DDRGK1: variants seen among roughly 807,000 people sequenced by gnomAD.
DDRGK1 encodes DDRGK domain containing 1.
Under a neutral mutation model 45.8 loss-of-function variants are expected in DDRGK1, and 38 were observed. That is an observed-to-expected ratio of 0.83 (90% confidence interval 0.64 to 1.09). The LOEUF is 1.09. DDRGK1 is among the 50% of genes least tolerant of loss of function. The pLI is 0.00. For missense variants in DDRGK1, 403 were observed against 419.9 expected (o/e 0.96, Z 0.35); for synonymous variants, 171 against 168.7 (o/e 1.01, Z -0.11).
Position 3,195,213 on chromosome 20 carries a change from C to T in DDRGK1, c.633+18G>A, listed in dbSNP as rs1407369556. The T allele has an allele frequency of 6.2e-7, 1 of 1,613,986 alleles. No individual in the cohort carries two copies. The highest frequency in any genetic ancestry group is 1.1e-5 in the South Asian group (1 of 91,074). ...CTGATGGGTGCAGAGAGGGGCTTCC[C>T]AGGGGCAGCAGGCCCACCTGTTCCT... On this transcript the variant is annotated intron_variant, in intron 5 of 8. Coordinates refer to ENST00000354488, the MANE Select transcript of DDRGK1 (RefSeq NM_023935.3).
rs761471905 is a variant in DDRGK1, at chr20:3,190,747, C to G, written c.851G>C (p.Arg284Pro). ...EELAAVANFI[R>P]QRGRVSIAEL... ...GGCGATGGACACCCGGCCCCGCTGT[C>G]GGATGAAGTTGGCCACGGCGGCCAG... The change falls in exon 9 of 9, where the codon CGA becomes CCA. Residue 284 changes from arginine (R) to proline (P), a missense_variant. Coordinates refer to ENST00000354488, the MANE Select transcript of DDRGK1 (RefSeq NM_023935.3). 1 of 1,614,146 alleles carries G rather than the reference C, an allele frequency of 6.2e-7. No individual in the cohort carries two copies. Among genetic ancestry groups the G allele is most frequent in the Admixed American group, 1.7e-5 (1 of 60,008 alleles).
intron 4 of DDRGK1, among the ~76,000 whole-genome samples, chr20:3,198,419 A>G (rs865812377): frequency 6.9e-6 from 1 of 145,208 alleles, no homozygotes; most frequent in Admixed American, 6.9e-5. Context: ...AAAAAAAAAA[A>G]GCCTGGTGCA....
At chr20:3,195,466 GAGAC>G in intron 4 of DDRGK1, 113 bp from the exon 5 acceptor site, 1 of 1,417,086 alleles carries the variant, frequency 7.1e-7, no homozygotes, top group Non-Finnish European at 9.3e-7. Context: ...CCTTTTCTCA[GAGAC>G]AGAGCTCCTT....
rs2067050336 is a variant in DDRGK1, at chr20:3,203,348, C to G, written c.160G>C (p.Glu54Gln). ...AGRVAQPGPL[E>Q]PEEPRAGGRP... ...CCTCCAGCTCTCGGCTCCTCAGGCT[C>G]CAGGGGCCCAGGCTGGGCCACCCGG... The change falls in exon 2 of 9, where the codon GAG becomes CAG. Residue 54 changes from glutamate (E) to glutamine (Q), a missense_variant. Physicochemically the swap from Glu to Gln is conservative, Grantham distance 29. Transcript: ENST00000354488. 1.9e-6 allele frequency: 3 copies of G among 1,608,696 alleles called. No individual in the cohort carries two copies. Among genetic ancestry groups the G allele is most frequent in the Admixed American group, 3.4e-5 (2 of 59,500 alleles).
intron 4 of DDRGK1, among the ~76,000 whole-genome samples, chr20:3,196,485 G>A (rs934471666): frequency 3.3e-5 from 5 of 150,306 alleles, no homozygotes; most frequent in Non-Finnish European, 5.9e-5. Flanking sequence ...AGACCATCCT[G>A]GCTAACACGG....
Position 3,191,191 on chromosome 20 carries a change from T to C in DDRGK1, c.777A>G (p.Thr259=). ...AGTGATTGGCTCTCATCATCTCACCTGTTATAGTCCCCTCAGCCAGCAGGT... is the reference window on the plus strand; with the variant it reads ...AGTGATTGGCTCTCATCATCTCACCCGTTATAGTCCCCTCAGCCAGCAGGT... ...IQDLLAEGTI[T]GVIDDRGKFI... The change falls in exon 8 of 9, where the codon ACA becomes ACG. Residue 259 remains threonine, a splice_region_variant and synonymous_variant. Coordinates refer to ENST00000354488, the MANE Select transcript of DDRGK1 (RefSeq NM_023935.3). 7 of 1,614,188 alleles carry C rather than the reference T, an allele frequency of 4.3e-6. No individual in the cohort carries two copies. The highest frequency in any genetic ancestry group is 5.9e-6 in the Non-Finnish European group (7 of 1,180,028).
In DDRGK1 at chr20:3,195,426, C is replaced by A. The variant is rs7263489; in HGVS notation, c.511-73G>T. 1.6e-4 allele frequency: 236 copies of A among 1,510,000 alleles called. 2 individuals carry two copies. The East Asian group carries it at 5.4e-3, about 35-fold the overall frequency. The allele number at this position is 1,510,000 out of a possible 1,614,324, so 93.5% of individuals were successfully genotyped here. A position where few individuals can be genotyped will look rare whatever the true frequency, so the allele number is the denominator to read the frequency against. ...AGGCACCTGTTCTGGTTGCTGCTAC[C>A]CCTGCAGGACACCAGAGCATATAGC... On this transcript the variant is annotated intron_variant, in intron 4 of 8. Coordinates refer to ENST00000354488, the MANE Select transcript of DDRGK1 (RefSeq NM_023935.3).
At chr20:3,198,666 C>T (rs2122236839) in intron 4 of DDRGK1, among the ~76,000 whole-genome samples, 1 of 132,806 alleles carries the variant, frequency 7.5e-6, no homozygotes, top group South Asian at 2.7e-4. Context: ...TGCCACTGCA[C>T]TCCAGCCTAG....
intron 4 of DDRGK1, among the ~76,000 whole-genome samples, chr20:3,196,914 G>A (rs1361617149): frequency 4.0e-5 from 6 of 151,788 alleles, no homozygotes; most frequent in African/African-American, 4.8e-5. Context: ...ATACTCATGA[G>A]TCTATACAAA....
In DDRGK1 at chr20:3,203,322, G is replaced by T. The variant is rs777087103; in HGVS notation, c.186C>A (p.Gly62=). Residue 62 remains glycine (G), a synonymous_variant, in exon 2 of 9, where the codon GGC becomes GGA. Transcript: ENST00000354488. ...CCAGGTCCCTCCGGCGCCGAGGCCT[G>T]CCTCCAGCTCTCGGCTCCTCAGGCT... ...PLEPEEPRAG[G]RPRRRRDLGS... The T allele has an allele frequency of 6.2e-7, 1 of 1,608,952 alleles. No homozygotes were observed. The highest frequency in any genetic ancestry group is 1.7e-5 in the Admixed American group (1 of 59,518).
chr20:3,196,646 A>G (rs555169722), intron 4 of DDRGK1, among the ~76,000 whole-genome samples: 2 of 152,246 alleles, frequency 1.3e-5, no homozygotes, highest in Admixed American at 1.3e-4. Context: ...GTGCCACTGC[A>G]CTCCAGCCTG....
At chr20:3,204,204 T>C (rs913942178) in intron 1 of DDRGK1, among the ~76,000 whole-genome samples, 1 of 152,032 alleles carries the variant, frequency 6.6e-6, no homozygotes, top group Non-Finnish European at 1.5e-5. Context: ...GCGGCCTCCC[T>C]AACAGGTGCA....
intron 4 of DDRGK1, among the ~76,000 whole-genome samples, chr20:3,196,929 A>C (rs931007151): frequency 1.3e-5 from 2 of 151,878 alleles, no homozygotes; most frequent in Non-Finnish European, 2.9e-5. Flanking sequence ...TACAAATATA[A>C]AAAAAATGGC....
Position 3,195,373 on chromosome 20 carries a change from A to T in DDRGK1, c.511-20T>A, listed in dbSNP as rs773453558. On this transcript the variant is annotated intron_variant, in intron 4 of 8. Transcript: ENST00000354488. Reference sequence around the variant, plus strand: ...CTCCTCCTGTGGACATAGGAGGCAAAAGTCAGGTATCGGGGGCAGAACAGG... The same window carrying T: ...CTCCTCCTGTGGACATAGGAGGCAATAGTCAGGTATCGGGGGCAGAACAGG... 1 of 1,574,252 alleles carries T rather than the reference A, an allele frequency of 6.4e-7. No homozygotes were observed. The highest frequency in any genetic ancestry group is 8.6e-7 in the Non-Finnish European group (1 of 1,162,570).
chr20:3,192,164 T>C (rs2066992628), intron 6 of DDRGK1, among the ~76,000 whole-genome samples: 1 of 151,840 alleles, frequency 6.6e-6, no homozygotes, highest in Non-Finnish European at 1.5e-5. Flanking sequence ...ATCCTCTGCA[T>C]CCAGCCATCT....
chr20:3,194,764 G>A, intron 6 of DDRGK1, 66 bp downstream of exon 6: 10 of 1,600,158 alleles, frequency 6.2e-6, no homozygotes, highest in Non-Finnish European at 6.8e-6. Flanking sequence ...GCCCCCGCTG[G>A]AGGCATCCAA....
chr20:3,198,590 C>T (rs2067022076), intron 4 of DDRGK1, among the ~76,000 whole-genome samples: 1 of 145,376 alleles, frequency 6.9e-6, no homozygotes, highest in South Asian at 2.2e-4. Flanking sequence ...ATCCCAGCTA[C>T]TTGGGAGGCT....
intron 2 of DDRGK1, among the ~76,000 whole-genome samples, chr20:3,202,948 T>C (rs983916124): frequency 6.6e-6 from 1 of 152,070 alleles, no homozygotes; most frequent in Non-Finnish European, 1.5e-5. Context: ...GGTGCGAGGA[T>C]AGAAGGGGTG....
chr20:3,199,058 A>G (rs1200485834), intron 4 of DDRGK1, among the ~76,000 whole-genome samples: 1 of 151,028 alleles, frequency 6.6e-6, no homozygotes, highest in Admixed American at 6.6e-5. Context: ...GGGGAACTGA[A>G]GTGGGAGGAT....
Sources: allele counts gnomAD v4.1 joint callset (sites outside exome capture counted in the v4.1 genomes callset), GRCh38; gene constraint gnomAD v4.1.1; transcripts MANE v1.5; gene names NCBI Gene and HGNC (gene_info 2026-07-23, HGNC 2026-07-21).